DOHH: variants seen among roughly 807,000 people sequenced by gnomAD.
DOHH encodes deoxyhypusine hydroxylase, also known as HEAT-like (PBS lyase) repeat containing 1.
A neutral mutation model predicts 19.9 loss-of-function variants in DOHH; 16 were observed. That is an observed-to-expected ratio of 0.80 (90% confidence interval 0.54 to 1.22). DOHH has a LOEUF of 1.22. DOHH is among the 50% of genes most tolerant of loss of function. The pLI is 0.00. For missense variants in DOHH, 460 were observed against 460.6 expected (o/e 1.00, Z 0.01); for synonymous variants, 233 against 217.0 (o/e 1.07, Z -0.65).
In DOHH at chr19:3,492,465, A is replaced by G. The variant is rs1261280564; in HGVS notation, c.386T>C (p.Leu129Pro). Reference protein sequence around the residue: ...AETCQLAVRRLEWLQQHGGEP... With the variant: ...AETCQLAVRRPEWLQQHGGEP... ...CCCGCCGTGCTGCTGCAGCCACTCC[A>G]GCCTGCGCACGGCCAGCTGGCAGGT... Residue 129 changes from leucine to proline, a missense_variant, in exon 4 of 5, where the codon CTG becomes CCG. By Grantham distance (98) the Leu-to-Pro change is moderately conservative. Transcript: ENST00000427575. 2 of 1,432,370 alleles carry G rather than the reference A, an allele frequency of 1.4e-6. No individual in the cohort carries two copies. Among genetic ancestry groups the G allele is most frequent in the Non-Finnish European group, 1.8e-6 (2 of 1,099,106 alleles). The allele number at this position is 1,432,370 out of a possible 1,614,324, so 88.7% of individuals were successfully genotyped here.
Position 3,496,725 on chromosome 19 carries a change from C to G in DOHH, c.90G>C (p.Thr30=). The G allele has an allele frequency of 1.2e-6, 2 of 1,612,932 alleles. No homozygotes were observed. Among genetic ancestry groups the G allele is most frequent in the South Asian group, 2.2e-5 (2 of 91,066 alleles). Residue 30 remains threonine, a synonymous_variant, in exon 2 of 5, where the codon ACG becomes ACC. Transcript: ENST00000427575. The surrounding 1 kb of genome is among the most constrained non-coding windows in gnomAD (Gnocchi z 4.8). ...CGCCTGGGCCGCCGAGCCCACGCAGCGTGAACAGCGCCCGGAAGCGGGCCT... is the reference window on the plus strand; with the variant it reads ...CGCCTGGGCCGCCGAGCCCACGCAGGGTGAACAGCGCCCGGAAGCGGGCCT... ...PLQARFRALF[T]LRGLGGPGAI...
chr19:3,495,628 G>A (rs2082902826), intron 2 of DOHH, among the ~76,000 whole-genome samples: 1 of 152,190 alleles, frequency 6.6e-6, no homozygotes, highest in South Asian at 2.1e-4. Context: ...AAGGGTTTAA[G>A]GCGGGGTGCG....
chr19:3,491,394 T>A lies in DOHH; in HGVS notation c.*98A>T. On this transcript the variant is annotated 3_prime_UTR_variant, in exon 5 of 5. Transcript: ENST00000427575. This position sits in a 1 kb window ranked among gnomAD's most constrained non-coding sequence, Gnocchi z 5.6. ...CATGCGCCCAGCAAGACACAAGCGA[T>A]GACACCGATTTACACACACCCGGTT... The A allele has an allele frequency of 7.8e-7, 1 of 1,277,768 alleles. No homozygotes were observed. The highest frequency in any genetic ancestry group is 1.1e-6 in the Non-Finnish European group (1 of 940,448). 79.2% of individuals were successfully genotyped at this position (1,277,768 alleles called of 1,614,324 possible). A position where few individuals can be genotyped will look rare whatever the true frequency, so the allele number is the denominator to read the frequency against.
chr19:3,496,752 C>T lies in DOHH; in HGVS notation c.63G>A (p.Leu21=), dbSNP rs534676072. 4 of 1,610,004 alleles carry T rather than the reference C, an allele frequency of 2.5e-6. No homozygotes were observed. The highest frequency in any genetic ancestry group is 1.1e-5 in the South Asian group (1 of 90,990). Reference sequence around the variant, plus strand: ...TGAACAGCGCCCGGAAGCGGGCCTGCAGGGGCTGCTTGGGGTCCACCAGCG... The same window carrying T: ...TGAACAGCGCCCGGAAGCGGGCCTGTAGGGGCTGCTTGGGGTCCACCAGCG... ...GQTLVDPKQP[L]QARFRALFTL... Residue 21 remains leucine (L), a synonymous_variant, in exon 2 of 5, where the codon CTG becomes CTA. Transcript: ENST00000427575. This position sits in a 1 kb window ranked among gnomAD's most constrained non-coding sequence, Gnocchi z 4.8.
At chr19:3,493,643 CAGG>C (rs1464372838) in intron 3 of DOHH, among the ~76,000 whole-genome samples, 19 of 151,372 alleles carry the variant, frequency 1.3e-4, no homozygotes, top group Non-Finnish European at 1.0e-4. Flanking sequence ...TGGAAGGTAG[CAGG>C]AGATCTCTGA....
chr19:3,496,514 G>A lies in DOHH; in HGVS notation c.274+27C>T. The A allele has an allele frequency of 6.3e-7, 1 of 1,594,870 alleles. No individual in the cohort carries two copies. On this transcript the variant is annotated intron_variant, in intron 2 of 4. Coordinates refer to ENST00000427575, the MANE Select transcript of DOHH (RefSeq NM_001145165.2). The surrounding 1 kb of genome is among the most constrained non-coding windows in gnomAD (Gnocchi z 4.8). ...GAAGAAGTGAGGCAGGAGGGAGCAG[G>A]TGCCCGGGACACAGACAGGTGCTCA...
At chr19:3,499,632 C>T (rs2082934437) in intron 1 of DOHH, among the ~76,000 whole-genome samples, 1 of 151,968 alleles carries the variant, frequency 6.6e-6, no homozygotes, top group African/African-American at 2.4e-5. Flanking sequence ...ATTAGCTGGG[C>T]GTGGTGGTGG....
At position 3,491,795 on chromosome 19, in the gene DOHH, G is replaced by A; in HGVS notation, c.606C>T (p.Ser202=). The change falls in exon 5 of 5, where the codon AGC becomes AGT. Residue 202 remains serine, a synonymous_variant. Coordinates refer to ENST00000427575, the MANE Select transcript of DOHH (RefSeq NM_001145165.2). The surrounding 1 kb of genome is among the most constrained non-coding windows in gnomAD (Gnocchi z 5.6). ...AGCCGACCTCGTGGCGGAAGAGGGC[G>A]CTCCCACAGTGCAGACCTGCAGGGG... ...LALAEGLHCG[S]ALFRHEVGYV... 6.7e-7 allele frequency: 1 copy of A among 1,498,852 alleles called. No individual in the cohort carries two copies. The highest frequency in any genetic ancestry group is 8.9e-7 in the Non-Finnish European group (1 of 1,127,350). 92.8% of individuals were successfully genotyped at this position (1,498,852 alleles called of 1,614,324 possible).
At chr19:3,492,759 C>T (rs922959903) in intron 3 of DOHH, among the ~76,000 whole-genome samples, 2 of 152,064 alleles carry the variant, frequency 1.3e-5, no homozygotes, top group African/African-American at 2.4e-5. Flanking sequence ...GGTGGAGACC[C>T]GGGGATGGGG....
intron 1 of DOHH, among the ~76,000 whole-genome samples, chr19:3,498,532 A>AG (rs2082926454): frequency 6.6e-6 from 1 of 151,816 alleles, no homozygotes. Context: ...CAGCCTCCCG[A>AG]GTATCTGGGA....
chr19:3,494,059 A>G lies in DOHH; in HGVS notation c.320T>C (p.Leu107Pro). The G allele has an allele frequency of 1.2e-6, 2 of 1,613,772 alleles. No individual in the cohort carries two copies. Among genetic ancestry groups the G allele is most frequent in the Non-Finnish European group, 1.7e-6 (2 of 1,179,772 alleles). ...AIGDPEVLEI[L>P]KQYSSDPVIE... ...GACGGGGTCCGAGGAATACTGCTTCAGGATCTCCAGAACTTCCGGGTCCCC... is the reference window on the plus strand; with the variant it reads ...GACGGGGTCCGAGGAATACTGCTTCGGGATCTCCAGAACTTCCGGGTCCCC... The change falls in exon 3 of 5, where the codon CTG (leucine) becomes CCG (proline). Residue 107 changes from leucine (L) to proline (P), a missense_variant. By Grantham distance (98) the Leu-to-Pro change is moderately conservative. Coordinates refer to ENST00000427575, the MANE Select transcript of DOHH (RefSeq NM_001145165.2).
In DOHH at chr19:3,496,379, A is replaced by G. The variant is rs955880756; in HGVS notation, c.274+162T>C. ...CAGATGACCTGCGCTGGCTTTATTG[A>G]GTCGCTGTCTGGCTGCAGAGCTGCA... On this transcript the variant is annotated intron_variant, in intron 2 of 4. Coordinates refer to ENST00000427575, the MANE Select transcript of DOHH (RefSeq NM_001145165.2). This position sits in a 1 kb window ranked among gnomAD's most constrained non-coding sequence, Gnocchi z 4.8. Among the ~76,000 whole-genome samples, 1 of 152,160 alleles carries G rather than the reference A, an allele frequency of 6.6e-6. No individual in the cohort carries two copies. The highest frequency in any genetic ancestry group is 1.5e-5 in the Non-Finnish European group (1 of 68,034).
In DOHH at chr19:3,492,366, C is replaced by T. The variant is rs1002221408; in HGVS notation, c.485G>A (p.Arg162Gln). 2.6e-6 allele frequency: 4 copies of T among 1,541,138 alleles called. No individual in the cohort carries two copies. The South Asian group carries it at 4.8e-5, about 18-fold the overall frequency. The change falls in exon 4 of 5, where the codon CGG becomes CAG. Residue 162 changes from arginine to glutamine, a missense_variant. Arg to Gln is a conservative substitution (Grantham distance 43, BLOSUM62 1). Coordinates refer to ENST00000427575, the MANE Select transcript of DOHH (RefSeq NM_001145165.2). ...PAEERDVGRL[R>Q]EALLDESRPL... is the part of the protein sequence containing the mutation. ...CCGGGACTCATCCAGCAGCGCCTCC[C>T]GCAGGCGCCCCACGTCACGCTCCTC...
intron 3 of DOHH, 120 bp from the exon 4 acceptor site, chr19:3,492,619 A>G (rs1423293644): frequency 1.2e-6 from 1 of 822,032 alleles, no homozygotes; most frequent in Admixed American, 4.2e-5. Flanking sequence ...CTAACCCATC[A>G]TTCCAGGCAG....
chr19:3,494,106 T>G lies in DOHH; in HGVS notation c.275-2A>C, dbSNP rs1176342813. The G allele has an allele frequency of 6.2e-7, 1 of 1,612,730 alleles. No individual in the cohort carries two copies. Among genetic ancestry groups the G allele is most frequent in the Non-Finnish European group, 8.5e-7 (1 of 1,179,176 alleles). On this transcript the variant is annotated splice_acceptor_variant, in intron 2 of 4. Coordinates refer to ENST00000427575, the MANE Select transcript of DOHH (RefSeq NM_001145165.2). LOFTEE classifies it high-confidence loss of function. Reference sequence around the variant, plus strand: ...CCCCGATGGCCCCCAGGGCCTCCCCTGGGAAGAAGCAGCCGGAGAGCTCAT... The same window carrying G: ...CCCCGATGGCCCCCAGGGCCTCCCCGGGGAAGAAGCAGCCGGAGAGCTCAT...
intron 3 of DOHH, among the ~76,000 whole-genome samples, chr19:3,493,434 C>G (rs1032976787): frequency 2.0e-5 from 3 of 152,068 alleles, no homozygotes; most frequent in African/African-American, 7.2e-5. Flanking sequence ...ATGGTGAAAC[C>G]CCGTCTCTAC....
rs1946289220 is a variant in DOHH, at chr19:3,491,892, TA to T, written c.590-82del. ...TCTTTTCGAAGACATGGGGTCTTGC[TA>T]TCTTGCCCAGGCAGGTCACAAAGTC... On this transcript the variant is annotated intron_variant, in intron 4 of 4. Coordinates refer to ENST00000427575, the MANE Select transcript of DOHH (RefSeq NM_001145165.2). This position sits in a 1 kb window ranked among gnomAD's most constrained non-coding sequence, Gnocchi z 5.6. 6.8e-6 allele frequency: 9 copies of T among 1,324,308 alleles called. No individual in the cohort carries two copies. In the Admixed American group the frequency reaches 1.4e-4, roughly 20 times the overall value. The allele number at this position is 1,324,308 out of a possible 1,614,324, so 82.0% of individuals were successfully genotyped here.
At chr19:3,495,773 G>A (rs1812088220) in intron 2 of DOHH, among the ~76,000 whole-genome samples, 1 of 151,992 alleles carries the variant, frequency 6.6e-6, no homozygotes, top group Non-Finnish European at 1.5e-5. Context: ...CCCAGGCGTG[G>A]TGGCACACAC....
At chr19:3,499,156 A>G (rs2082931168) in intron 1 of DOHH, among the ~76,000 whole-genome samples, 2 of 152,186 alleles carry the variant, frequency 1.3e-5, no homozygotes, top group Admixed American at 1.3e-4. Context: ...GAGAAATAGC[A>G]GCCCGACCCT....
Sources: gnomAD v4.1 joint callset for allele counts (sites outside exome capture counted in the v4.1 genomes callset) on GRCh38, gnomAD v4.1.1 for gene constraint, Gnocchi (gnomAD v3.1) non-coding constraint, MANE v1.5 for transcripts, NCBI Gene and HGNC (gene_info 2026-07-23, HGNC 2026-07-21) for gene names.